TTC3: variants seen among roughly 807,000 people sequenced by gnomAD.
The protein encoded by TTC3 is tetratricopeptide repeat domain 3, also known as E3 ubiquitin-protein ligase TTC3.
A neutral mutation model predicts 249.6 loss-of-function variants in TTC3; 180 were observed. The observed-to-expected ratio is 0.72, with a 90% CI of 0.64 to 0.82. TTC3 has a LOEUF of 0.82. Among genes scored for constraint, TTC3 ranks in the 40% least tolerant of loss-of-function variants. The pLI is 0.00. For synonymous variants in TTC3, 717 were observed against 805.0 expected (o/e 0.89, Z 1.85); for missense variants, 2,061 against 2,398.4 (o/e 0.86, Z 2.94).
At chr21:37,148,830 G>C (rs1601792684) in intron 23 of TTC3, among the ~76,000 whole-genome samples, 183 bp downstream of exon 23, 2 of 152,076 alleles carry the variant, frequency 1.3e-5, no homozygotes, top group Admixed American at 1.3e-4. Context: ...AACCATAGAG[G>C]CTTTGTTTTT....
At chr21:37,195,836 G>A in exon 42 of TTC3, 1 of 1,614,222 alleles carries the variant, frequency 6.2e-7, no homozygotes, top group African/African-American at 1.3e-5. Context: ...TGTTGCCAGG[G>A]CCACCCCCTG....
chr21:37,165,969 T>C (rs1194231648), exon 33 of TTC3: 2 of 1,614,154 alleles, frequency 1.2e-6, no homozygotes, highest in Non-Finnish European at 1.7e-6. Context: ...TGTGAAGATG[T>C]GAAGGCCAAA....
intron 18 of TTC3, 24 bp downstream of exon 18, chr21:37,135,538 G>A: frequency 6.2e-7 from 1 of 1,606,498 alleles, no homozygotes; most frequent in African/African-American, 1.3e-5. Context: ...ATCATAACTT[G>A]TTTATCAATG....
chr21:37,159,617 G>A, intron 28 of TTC3, 82 bp from the exon 29 acceptor site: 1 of 1,426,328 alleles, frequency 7.0e-7, no homozygotes, highest in Non-Finnish European at 9.7e-7. Context: ...AGTAGTATGA[G>A]GAGTTATTTT....
intron 41 of TTC3, chr21:37,193,750 C>T (rs940498083): frequency 1.9e-4 from 29 of 152,238 alleles, no homozygotes; most frequent in African/African-American, 7.0e-4. Flanking sequence ...CTGATGTGGG[C>T]TGTGCCCTCA....
At chr21:37,165,860 C>A in exon 33 of TTC3, 1 of 1,614,132 alleles carries the variant, frequency 6.2e-7, no homozygotes, top group Non-Finnish European at 8.5e-7. Flanking sequence ...GGAATTTAAA[C>A]CAGATGTAAA....
At chr21:37,090,448 G>A (rs895729235) in intron 6 of TTC3, 162 bp downstream of exon 6, 15 of 605,370 alleles carry the variant, frequency 2.5e-5, no homozygotes, top group Non-Finnish European at 3.1e-5. Flanking sequence ...TCATTTTGGG[G>A]GTTTGGATCA....
At chr21:37,176,665 T>G (rs2082308298) in intron 35 of TTC3, among the ~76,000 whole-genome samples, 1 of 152,242 alleles carries the variant, frequency 6.6e-6, no homozygotes, top group Non-Finnish European at 1.5e-5. Context: ...CACACTCAAT[T>G]GTTTTTACAT....
chr21:37,113,840 A>G (rs886662350), intron 11 of TTC3, among the ~76,000 whole-genome samples: 21 of 152,210 alleles, frequency 1.4e-4, no homozygotes, highest in African/African-American at 4.8e-4. Flanking sequence ...CAAAACAAAG[A>G]TATAGACCAA....
intron 30 of TTC3, among the ~76,000 whole-genome samples, chr21:37,161,642 A>G (rs2080763888): frequency 6.6e-6 from 1 of 152,204 alleles, no homozygotes; most frequent in African/African-American, 2.4e-5. Flanking sequence ...ATGGAGTGAG[A>G]GAGAGTAGCA....
chr21:37,167,616 G>T, exon 34 of TTC3: 1 of 1,608,086 alleles, frequency 6.2e-7, no homozygotes, highest in South Asian at 1.1e-5. Flanking sequence ...TTTGAGGAAC[G>T]ACAAGTGAGT....
chr21:37,135,505 A>G, exon 18 of TTC3: 1 of 1,612,232 alleles, frequency 6.2e-7, no homozygotes, highest in Non-Finnish European at 8.5e-7. Flanking sequence ...TAGATCCTCA[A>G]AAAATAAAGG....
chr21:37,184,501 C>G (rs930617366), intron 36 of TTC3, among the ~76,000 whole-genome samples: 1 of 152,002 alleles, frequency 6.6e-6, no homozygotes, highest in African/African-American at 2.4e-5. Flanking sequence ...GTCACCCAGC[C>G]TGGAGTGCAA....
Position 37,079,102 on chromosome 21 carries a change from T to A in TTC3, c.-12+5738T>A, listed in dbSNP as rs1325418832. Reference sequence around the variant, plus strand: ...AAACTGTTCATTTTCTTTTATATTCTTTCTTGAGATAAACCCAAATTGGTC... The same window carrying A: ...AAACTGTTCATTTTCTTTTATATTCATTCTTGAGATAAACCCAAATTGGTC... On this transcript the variant is annotated intron_variant, in intron 1 of 45. Coordinates refer to ENST00000355666, the Ensembl canonical transcript of TTC3. 2.0e-5 allele frequency among the ~76,000 whole-genome samples: 3 copies of A among 152,226 alleles called. No homozygotes were observed. In the East Asian group the frequency reaches 5.8e-4, roughly 29 times the overall value.
intron 16 of TTC3, among the ~76,000 whole-genome samples, chr21:37,131,690 G>A (rs1202999008): frequency 6.6e-6 from 1 of 152,118 alleles, no homozygotes; most frequent in African/African-American, 2.4e-5. Flanking sequence ...AGTCTGGTGG[G>A]ACTGATTCTT....
chr21:37,157,491 G>A (rs2080218852), intron 28 of TTC3, among the ~76,000 whole-genome samples: 1 of 152,216 alleles, frequency 6.6e-6, no homozygotes, highest in Non-Finnish European at 1.5e-5. Flanking sequence ...TAAGAAGCAT[G>A]CACTAATAAC....
At chr21:37,075,740 C>A (rs2070753610) in intron 1 of TTC3, among the ~76,000 whole-genome samples, 1 of 152,140 alleles carries the variant, frequency 6.6e-6, no homozygotes, top group Admixed American at 6.5e-5. Context: ...CTTTGGTTCT[C>A]ATAAGATTAA....
chr21:37,153,567 A>T (rs1366528690), intron 27 of TTC3, among the ~76,000 whole-genome samples: 2 of 152,184 alleles, frequency 1.3e-5, no homozygotes, highest in Admixed American at 1.3e-4. Context: ...CAGAAAAACT[A>T]TTACACACAC....
At chr21:37,170,669 A>G (rs1163757544) in intron 34 of TTC3, among the ~76,000 whole-genome samples, 9 of 152,216 alleles carry the variant, frequency 5.9e-5, no homozygotes, top group Non-Finnish European at 1.0e-4. Flanking sequence ...ATGTTTGACA[A>G]GATCAATGTC....
Sources: allele counts gnomAD v4.1 joint callset (sites outside exome capture counted in the v4.1 genomes callset), GRCh38; gene constraint gnomAD v4.1.1; transcripts MANE v1.5; gene names NCBI Gene and HGNC (gene_info 2026-07-23, HGNC 2026-07-21).